Variants in GLRA2 observed in about 807,000 individuals in gnomAD.
GLRA2 encodes the protein glycine receptor subunit alpha-2.
In GLRA2, 11 loss-of-function variants were observed where a neutral mutation model predicts 31.6. The observed-to-expected ratio is 0.35, with a 90% CI of 0.22 to 0.58. GLRA2 has a LOEUF of 0.58. GLRA2 is among the 20% of genes least tolerant of loss of function. The pLI is 0.84. For missense variants in GLRA2, 212 were observed against 351.8 expected (o/e 0.60, Z 3.18); for synonymous variants, 132 against 134.0 (o/e 0.99, Z 0.10).
chrX:14,532,765 C>T (rs933499078), intron 2 of GLRA2, among the ~76,000 whole-genome samples: 1 of 111,894 alleles, frequency 8.9e-6, no homozygotes. Flanking sequence ...TAAATACCTA[C>T]ATCAAAGTAG....
chrX:14,668,842 G>A (rs2091061239), intron 7 of GLRA2, among the ~76,000 whole-genome samples: 2 of 111,104 alleles, frequency 1.8e-5, no homozygotes, highest in Non-Finnish European at 3.8e-5. Context: ...ATATCATTCT[G>A]CCCCTAGCCC....
intron 7 of GLRA2, among the ~76,000 whole-genome samples, chrX:14,613,265 A>G (rs2090419864): frequency 9.0e-6 from 1 of 111,510 alleles, no homozygotes; most frequent in African/African-American, 3.3e-5. Flanking sequence ...ATGAGAGGTT[A>G]TATTAGAAAA....
At chrX:14,469,243 A>G in the GLRA2 span, among the ~76,000 whole-genome samples, 247 of 111,322 alleles carry the variant, frequency 2.2e-3, 1 homozygote, top group Non-Finnish European at 3.6e-3. Context: ...CCTTGCCCAC[A>G]CCTATGTCCT....
At chrX:14,454,911 C>G in the GLRA2 span, among the ~76,000 whole-genome samples, 2 of 112,217 alleles carry the variant, frequency 1.8e-5, no homozygotes, top group African/African-American at 6.5e-5. Context: ...CTATCCCATT[C>G]CAAGTTTTAT....
At chrX:14,500,264 T>C in the GLRA2 span, among the ~76,000 whole-genome samples, 4 of 111,978 alleles carry the variant, frequency 3.6e-5, no homozygotes, top group African/African-American at 9.7e-5. Flanking sequence ...CAGCACTAGA[T>C]GGCTGCCAGG....
chrX:14,502,138 C>T, the GLRA2 span, among the ~76,000 whole-genome samples: 2 of 111,905 alleles, frequency 1.8e-5, no homozygotes, highest in Non-Finnish European at 3.8e-5. Flanking sequence ...CACAGTTGAG[C>T]CCACAACAGA....
intron 7 of GLRA2, among the ~76,000 whole-genome samples, chrX:14,634,547 A>G (rs1225382345): frequency 9.0e-6 from 1 of 111,495 alleles, no homozygotes; most frequent in Non-Finnish European, 1.9e-5. Flanking sequence ...TTGTTCCTCT[A>G]CTAGACAATC....
intron 2 of GLRA2, among the ~76,000 whole-genome samples, chrX:14,538,352 C>T (rs932838885): frequency 2.7e-5 from 3 of 111,651 alleles, no homozygotes; most frequent in African/African-American, 9.8e-5. Flanking sequence ...TACTATTATA[C>T]AGATAATTTG....
chrX:14,573,522 A>T (rs1007760224), intron 2 of GLRA2, among the ~76,000 whole-genome samples: 2 of 111,443 alleles, frequency 1.8e-5, no homozygotes, highest in African/African-American at 6.5e-5. Context: ...AATTCCACAA[A>T]GGCAATAAAT....
chrX:14,653,357 T>C (rs1226230088), intron 7 of GLRA2, among the ~76,000 whole-genome samples: 3 of 112,173 alleles, frequency 2.7e-5, no homozygotes, highest in Non-Finnish European at 5.6e-5. Context: ...ACATCTGTGA[T>C]TCATGGAAGG....
intron 7 of GLRA2, among the ~76,000 whole-genome samples, chrX:14,653,550 G>T (rs915337029): frequency 8.9e-6 from 1 of 112,327 alleles, no homozygotes; most frequent in Non-Finnish European, 1.9e-5. Context: ...TCATAGTAAA[G>T]TCTGAATAGA....
intron 4 of GLRA2, among the ~76,000 whole-genome samples, chrX:14,589,805 AT>A (rs1360650796): frequency 9.3e-6 from 1 of 107,931 alleles, no homozygotes; most frequent in East Asian, 2.9e-4. Flanking sequence ...GCATTAGGTT[AT>A]TTAAGCTATT....
At chrX:14,474,717 CTGGGAT>C in the GLRA2 span, among the ~76,000 whole-genome samples, 1 of 105,371 alleles carries the variant, frequency 9.5e-6, no homozygotes, top group Non-Finnish European at 2.0e-5. Context: ...GCTGGGATGG[CTGGGAT>C]GGCTGGGATG....
At chrX:14,471,328 C>A in the GLRA2 span, among the ~76,000 whole-genome samples, 1 of 111,743 alleles carries the variant, frequency 8.9e-6, no homozygotes, top group African/African-American at 3.3e-5. Context: ...CAACTGATAT[C>A]TTAAACAAAC....
At chrX:14,568,908 G>C (rs1035686944) in intron 2 of GLRA2, among the ~76,000 whole-genome samples, 2 of 111,036 alleles carry the variant, frequency 1.8e-5, no homozygotes, top group African/African-American at 6.5e-5. Flanking sequence ...TTGATCCTTG[G>C]ATATGAAACC....
chrX:14,599,326 A>C (rs749574895), intron 4 of GLRA2, among the ~76,000 whole-genome samples: 74 of 112,551 alleles, frequency 6.6e-4, no homozygotes, highest in African/African-American at 2.4e-3. Flanking sequence ...TTATCGGGGA[A>C]GAGGACAAAT....
chrX:14,466,473 AT>A, the GLRA2 span, among the ~76,000 whole-genome samples: 1 of 111,554 alleles, frequency 9.0e-6, no homozygotes, highest in Non-Finnish European at 1.9e-5. Context: ...TACATAGGGT[AT>A]TTAGCTTAGA....
intron 8 of GLRA2, among the ~76,000 whole-genome samples, chrX:14,702,193 TG>T (rs1157612967): frequency 9.0e-6 from 1 of 111,729 alleles, no homozygotes; most frequent in Non-Finnish European, 1.9e-5. Context: ...TGCTAAAGCA[TG>T]GGGCCTAAAA....
At chrX:14,565,437 TG>T (rs764501178) in intron 2 of GLRA2, among the ~76,000 whole-genome samples, 1 of 111,781 alleles carries the variant, frequency 8.9e-6, no homozygotes, top group East Asian at 2.8e-4. Context: ...AAAAATGGTA[TG>T]TTGAAGTCTC....
Sources: allele counts gnomAD v4.1 joint callset (sites outside exome capture counted in the v4.1 genomes callset), GRCh38; gene constraint gnomAD v4.1.1; transcripts MANE v1.5; gene names NCBI Gene and HGNC (gene_info 2026-07-23, HGNC 2026-07-21).